Variants in LSAMP observed in about 807,000 individuals in gnomAD.
The protein encoded by LSAMP is limbic system associated membrane protein, also known as limbic system-associated membrane protein.
In LSAMP, 7 loss-of-function variants were observed where a neutral mutation model predicts 38.6. That is an observed-to-expected ratio of 0.18 (90% CI 0.10 to 0.34). LSAMP has a LOEUF of 0.34. LSAMP is among the 10% of genes least tolerant of loss of function. The pLI, the probability that LSAMP is intolerant of heterozygous loss-of-function variation, is 1.00. For missense variants in LSAMP, 313 were observed against 420.0 expected, an observed-to-expected ratio of 0.75 and a Z score of 2.23; for synonymous variants, 154 against 166.8, an observed-to-expected ratio of 0.92 and a Z score of 0.59.
intron 3 of LSAMP, among the ~76,000 whole-genome samples, chr3:116,003,889 T>C (rs1316051462): frequency 6.6e-6 from 1 of 152,172 alleles, no homozygotes; most frequent in Non-Finnish European, 1.5e-5. Flanking sequence ...AATTCTGGCC[T>C]CCAAAATAGT....
chr3:116,073,652 C>A (rs563031668), intron 2 of LSAMP, among the ~76,000 whole-genome samples: 2 of 152,082 alleles, frequency 1.3e-5, no homozygotes, highest in Non-Finnish European at 2.9e-5. Flanking sequence ...ATGCTAGTGA[C>A]TTTTGCATAT....
intron 1 of LSAMP, among the ~76,000 whole-genome samples, chr3:116,138,685 CT>C: frequency 6.6e-6 from 1 of 152,096 alleles, no homozygotes; most frequent in Non-Finnish European, 1.5e-5. Context: ...AGATAAAACA[CT>C]TTCAGAAGCA....
At chr3:115,965,425 T>C (rs1296001803) in intron 3 of LSAMP, among the ~76,000 whole-genome samples, 1 of 151,742 alleles carries the variant, frequency 6.6e-6, no homozygotes, top group Non-Finnish European at 1.5e-5. Context: ...TTAGAAGAAA[T>C]CATAGGAATA....
intron 1 of LSAMP, among the ~76,000 whole-genome samples, chr3:116,278,951 C>T (rs1041060823): frequency 6.6e-6 from 1 of 152,148 alleles, no homozygotes; most frequent in Non-Finnish European, 1.5e-5. Flanking sequence ...TCTGCTAGTG[C>T]CCTGGGAGAA....
intron 1 of LSAMP, among the ~76,000 whole-genome samples, chr3:116,167,013 G>GCT (rs1710072187): frequency 2.0e-5 from 3 of 152,008 alleles, no homozygotes; most frequent in Admixed American, 6.6e-5. Flanking sequence ...GGATGGTCTT[G>GCT]ATCTCCTGAC....
intron 1 of LSAMP, among the ~76,000 whole-genome samples, chr3:116,146,831 C>T (rs937461316): frequency 1.3e-5 from 2 of 151,592 alleles, no homozygotes; most frequent in African/African-American, 4.8e-5. Flanking sequence ...TCAATTTGGA[C>T]CTAAAATAAG....
intron 1 of LSAMP, among the ~76,000 whole-genome samples, chr3:116,130,478 C>A (rs1395664514): frequency 1.3e-5 from 2 of 152,120 alleles, no homozygotes; most frequent in Non-Finnish European, 2.9e-5. Flanking sequence ...AAATATTAAG[C>A]ATTCAATAAA....
intron 1 of LSAMP, among the ~76,000 whole-genome samples, chr3:116,187,367 T>G (rs1012485415): frequency 4.6e-5 from 7 of 152,152 alleles, no homozygotes; most frequent in Non-Finnish European, 8.8e-5. Context: ...GAAGATGGTA[T>G]TAGATTTCCT....
intron 1 of LSAMP, among the ~76,000 whole-genome samples, chr3:116,424,257 AC>A (rs1442782968): frequency 2.6e-5 from 4 of 152,222 alleles, no homozygotes; most frequent in Non-Finnish European, 4.4e-5. Context: ...TGCTAGATAA[AC>A]AGAATGCTTT....
At chr3:116,005,077 T>C (rs757229159) in intron 3 of LSAMP, among the ~76,000 whole-genome samples, 4 of 152,114 alleles carry the variant, frequency 2.6e-5, no homozygotes, top group Non-Finnish European at 4.4e-5. Flanking sequence ...GTAATAGCAA[T>C]AGTAGTAATG....
intron 1 of LSAMP, among the ~76,000 whole-genome samples, chr3:116,099,702 C>T (rs762479236): frequency 8.5e-5 from 13 of 152,124 alleles, no homozygotes; most frequent in African/African-American, 1.7e-4. Flanking sequence ...AAGCTTTCAG[C>T]GCCAGTCACC....
At chr3:116,346,797 A>G (rs1184348215) in intron 1 of LSAMP, among the ~76,000 whole-genome samples, 3 of 152,084 alleles carry the variant, frequency 2.0e-5, no homozygotes, top group Non-Finnish European at 4.4e-5. Flanking sequence ...AGTACTTCCT[A>G]TGTGTCAGTT....
At chr3:116,274,198 T>A (rs1300529162) in intron 1 of LSAMP, among the ~76,000 whole-genome samples, 1 of 152,176 alleles carries the variant, frequency 6.6e-6, no homozygotes, top group Non-Finnish European at 1.5e-5. Flanking sequence ...GTGCTAGAAT[T>A]TGGCAAACAT....
intron 1 of LSAMP, among the ~76,000 whole-genome samples, chr3:116,327,325 C>T (rs2047786907): frequency 6.6e-6 from 1 of 152,118 alleles, no homozygotes; most frequent in Non-Finnish European, 1.5e-5. Flanking sequence ...TCAGAGTTGC[C>T]AGGAACACTC....
intron 3 of LSAMP, among the ~76,000 whole-genome samples, chr3:115,931,062 A>G (rs113354150): frequency 0.083 from 12,605 of 152,230 alleles, 575 homozygotes; most frequent in Non-Finnish European, 0.098. Context: ...GCAGATGATA[A>G]GCAACCCAAT....
chr3:116,202,011 G>A (rs2045993415), intron 1 of LSAMP, among the ~76,000 whole-genome samples: 1 of 152,026 alleles, frequency 6.6e-6, no homozygotes, highest in Admixed American at 6.6e-5. Context: ...TTCCCCTGTG[G>A]TCTTTAATTT....
intron 1 of LSAMP, among the ~76,000 whole-genome samples, chr3:116,433,574 A>G (rs1296281684): frequency 6.6e-6 from 1 of 152,214 alleles, no homozygotes; most frequent in Non-Finnish European, 1.5e-5. Context: ...TGCAATGCCC[A>G]GGTAAGCATC....
chr3:115,829,136 C>T (rs576787022), intron 6 of LSAMP, among the ~76,000 whole-genome samples: 21 of 152,178 alleles, frequency 1.4e-4, no homozygotes, highest in African/African-American at 4.8e-4. Context: ...TTTATTCTTG[C>T]TAGCAACTTT....
intron 1 of LSAMP, among the ~76,000 whole-genome samples, chr3:116,289,329 C>A (rs886564446): frequency 5.3e-5 from 8 of 152,130 alleles, no homozygotes; most frequent in African/African-American, 1.9e-4. Context: ...ATATGAAAGG[C>A]TCTGAAAAGC....
Sources: gnomAD v4.1 joint callset for allele counts (sites outside exome capture counted in the v4.1 genomes callset) on GRCh38, gnomAD v4.1.1 for gene constraint, MANE v1.5 for transcripts, NCBI Gene and HGNC (gene_info 2026-07-23, HGNC 2026-07-21) for gene names.